CNTNAP2: variants seen among roughly 807,000 people sequenced by gnomAD.
CNTNAP2 encodes the protein contactin-associated protein-like 2.
CNTNAP2 carries 98 observed loss-of-function variants against 155.2 expected under a neutral mutation model. The observed-to-expected ratio is 0.63, with a 90% CI of 0.54 to 0.75. The LOEUF is 0.75. CNTNAP2 is among the 30% of genes least tolerant of loss of function. The probability of loss-of-function intolerance (pLI) is 0.00; values close to 1 mark genes in which losing one functional copy is unlikely to be tolerated. For synonymous variants in CNTNAP2, 651 were observed against 631.2 expected (o/e 1.03, Z -0.47); for missense variants, 1,727 against 1,688.1 (o/e 1.02, Z -0.40).
chr7:148,108,822 A>G (rs921300469), intron 15 of CNTNAP2, among the ~76,000 whole-genome samples: 6 of 152,228 alleles, frequency 3.9e-5, no homozygotes, highest in African/African-American at 1.4e-4. Flanking sequence ...ATTGCTAAGG[A>G]TGAATTTCAA....
chr7:146,692,073 G>T (rs921530085), intron 1 of CNTNAP2, among the ~76,000 whole-genome samples: 1 of 152,224 alleles, frequency 6.6e-6, no homozygotes, highest in African/African-American at 2.4e-5. Context: ...AGCAAAAAAG[G>T]AATGTGTCTT....
intron 13 of CNTNAP2, among the ~76,000 whole-genome samples, chr7:147,653,283 C>T (rs548238628): frequency 1.3e-5 from 2 of 152,206 alleles, no homozygotes; most frequent in South Asian, 2.1e-4. Flanking sequence ...TCAGAAGAAA[C>T]TCTTATGTCT....
chr7:147,849,743 C>T (rs943538799), intron 13 of CNTNAP2: 1 of 152,262 alleles, frequency 6.6e-6, no homozygotes, highest in Admixed American at 6.5e-5. Flanking sequence ...CCCTTTCTGT[C>T]ACCAAGGCCA....
rs76579938 is a variant in CNTNAP2 at position 147,662,601 on chromosome 7, C to G, written c.2098+23295C>G. Reference sequence around the variant, plus strand: ...AGCAGATGGTATTCTTGTATGGGTGCGAGTGAGTGATGAACACTTCTTACC... The same window carrying G: ...AGCAGATGGTATTCTTGTATGGGTGGGAGTGAGTGATGAACACTTCTTACC... On this transcript the variant is annotated intron_variant, in intron 13 of 23. Transcript: ENST00000361727. Among the ~76,000 whole-genome samples, 4 of 152,044 alleles carry G rather than the reference C, an allele frequency of 2.6e-5. No individual in the cohort carries two copies. The East Asian group carries it at 7.7e-4, about 29-fold the overall frequency.
At chr7:147,572,526 C>T (rs1800315566) in intron 12 of CNTNAP2, among the ~76,000 whole-genome samples, 2 of 152,124 alleles carry the variant, frequency 1.3e-5, no homozygotes, top group African/African-American at 4.8e-5. Flanking sequence ...CTTATAGACA[C>T]TGCTTGATTT....
chr7:146,769,149 A>G (rs934602702), intron 1 of CNTNAP2, among the ~76,000 whole-genome samples: 3 of 152,250 alleles, frequency 2.0e-5, no homozygotes, highest in African/African-American at 7.2e-5. Flanking sequence ...ATTTTCATCC[A>G]AGATTCCCTG....
At chr7:146,600,620 G>A (rs893038915) in intron 1 of CNTNAP2, among the ~76,000 whole-genome samples, 4 of 151,474 alleles carry the variant, frequency 2.6e-5, no homozygotes, top group Non-Finnish European at 5.9e-5. Context: ...GCATATATGT[G>A]TGTTTGTATC....
intron 1 of CNTNAP2, among the ~76,000 whole-genome samples, chr7:146,217,607 G>A (rs1309127736): frequency 3.3e-5 from 5 of 152,146 alleles, no homozygotes; most frequent in Non-Finnish European, 7.4e-5. Context: ...CTACACGAAA[G>A]TATGCTTTAA....
At chr7:147,602,981 A>T (rs905489853) in intron 12 of CNTNAP2, among the ~76,000 whole-genome samples, 1 of 152,186 alleles carries the variant, frequency 6.6e-6, no homozygotes, top group African/African-American at 2.4e-5. Flanking sequence ...CATGATTTAT[A>T]GTCCTTTGGG....
chr7:146,615,614 G>A (rs980802890), intron 1 of CNTNAP2, among the ~76,000 whole-genome samples: 1 of 152,208 alleles, frequency 6.6e-6, no homozygotes, highest in Non-Finnish European at 1.5e-5. Context: ...AAGCACCTGA[G>A]ACTCTTTCTG....
intron 10 of CNTNAP2, among the ~76,000 whole-genome samples, chr7:147,471,894 A>G (rs1798222711): frequency 6.6e-6 from 1 of 152,168 alleles, no homozygotes; most frequent in South Asian, 2.1e-4. Flanking sequence ...ACTACCTCAG[A>G]TTGGGAAGAC....
rs532983969 is a variant in CNTNAP2 at position 147,469,579 on chromosome 7, C to T, written c.1671-16356C>T. Among the ~76,000 whole-genome samples, 39 of 136,240 alleles carry T rather than the reference C, an allele frequency of 2.9e-4. 2 individuals are homozygous for T. In the South Asian group the frequency reaches 8.0e-3, roughly 28 times the overall value. 89.4% of individuals were successfully genotyped at this position (136,240 alleles called of 152,430 possible). A position where few individuals can be genotyped will look rare whatever the true frequency, so the allele number is the denominator to read the frequency against. On this transcript the variant is annotated intron_variant, in intron 10 of 23. Coordinates refer to ENST00000361727, the MANE Select transcript of CNTNAP2 (RefSeq NM_014141.6). ...TGCCGCCCAGGCTGGAGTGCAGTGG[C>T]GCGATCTCGGCTCACTGCAAGCTCC...
intron 21 of CNTNAP2, among the ~76,000 whole-genome samples, chr7:148,330,793 G>A (rs1797982400): frequency 6.7e-6 from 1 of 148,550 alleles, no homozygotes; most frequent in African/African-American, 2.5e-5. Flanking sequence ...TGGATGGAAT[G>A]GATGGATGGA....
At chr7:146,978,321 GTCT>G (rs1331349176) in intron 3 of CNTNAP2, among the ~76,000 whole-genome samples, 1 of 152,118 alleles carries the variant, frequency 6.6e-6, no homozygotes, top group Non-Finnish European at 1.5e-5. Context: ...ACTTGACCCG[GTCT>G]TCAACCCAGC....
At chr7:148,181,988 A>C (rs1795046892) in intron 18 of CNTNAP2, among the ~76,000 whole-genome samples, 1 of 150,416 alleles carries the variant, frequency 6.6e-6, no homozygotes, top group African/African-American at 2.4e-5. Flanking sequence ...CGATCTCCTG[A>C]CCTCGTGATC....
rs138378025 is a variant in CNTNAP2, at chr7:147,071,572, C to G, written c.550+27518C>G. Among the ~76,000 whole-genome samples, 41 of 152,272 alleles carry G rather than the reference C, an allele frequency of 2.7e-4. 1 individual carries two copies. The East Asian group carries it at 7.7e-3, about 29-fold the overall frequency. ...TATGCTCTCTGGCACCTAATTATAG[C>G]AATCAGTGAATACTTGATAGGGTCA... On this transcript the variant is annotated intron_variant, in intron 4 of 23. Coordinates refer to ENST00000361727, the MANE Select transcript of CNTNAP2 (RefSeq NM_014141.6).
chr7:146,666,936 G>A (rs1800205737), intron 1 of CNTNAP2, among the ~76,000 whole-genome samples: 1 of 152,090 alleles, frequency 6.6e-6, no homozygotes, highest in African/African-American at 2.4e-5. Context: ...TCTGTAGGTT[G>A]TCTTTCAGTC....
At chr7:146,401,967 G>A (rs1450740353) in intron 1 of CNTNAP2, among the ~76,000 whole-genome samples, 1 of 152,124 alleles carries the variant, frequency 6.6e-6, no homozygotes, top group Admixed American at 6.6e-5. Flanking sequence ...TAGCTATAAT[G>A]TAAAAAGCAT....
At chr7:146,497,792 A>T (rs1797241198) in intron 1 of CNTNAP2, among the ~76,000 whole-genome samples, 2 of 149,146 alleles carry the variant, frequency 1.3e-5, no homozygotes, top group South Asian at 2.1e-4. Flanking sequence ...TGATTTCCAT[A>T]TATAAACATA....
Sources: allele counts gnomAD v4.1 joint callset (sites outside exome capture counted in the v4.1 genomes callset), GRCh38; gene constraint gnomAD v4.1.1; transcripts MANE v1.5; gene names NCBI Gene and HGNC (gene_info 2026-07-23, HGNC 2026-07-21).